HK2: variants seen among roughly 807,000 people sequenced by gnomAD.
HK2 encodes the protein hexokinase 2, also known as hexokinase-2.
In HK2, 42 loss-of-function variants were observed where a neutral mutation model predicts 92.9. The ratio of observed to expected loss-of-function variants is 0.45; its 90% CI spans 0.35 to 0.58. The LOEUF (loss-of-function observed/expected upper bound fraction) is 0.58. Among genes scored for constraint, HK2 ranks in the 20% least tolerant of loss-of-function variants. The pLI, the probability that HK2 is intolerant of heterozygous loss-of-function variation, is 0.00. For synonymous variants in HK2, 422 were observed against 468.0 expected, an observed-to-expected ratio of 0.90 and a Z score of 1.27; for missense variants, 978 against 1,245.1, an observed-to-expected ratio of 0.79 and a Z score of 3.23.
At chr2:74,851,530 G>T (rs183926381) in intron 1 of HK2, among the ~76,000 whole-genome samples, 48 of 152,348 alleles carry the variant, frequency 3.2e-4, no homozygotes, top group Middle Eastern at 3.4e-3. Flanking sequence ...GGCTGTCGTA[G>T]AATTTGCTTT....
intron 2 of HK2, among the ~76,000 whole-genome samples, chr2:74,856,051 C>T (rs905045333): frequency 1.3e-5 from 2 of 152,012 alleles, no homozygotes; most frequent in Non-Finnish European, 2.9e-5. Context: ...GCTGCCAGGG[C>T]AGAGGAAGAA....
intron 8 of HK2, among the ~76,000 whole-genome samples, 166 bp from the exon 9 acceptor site, chr2:74,878,519 TTCC>T (rs1174604161): frequency 6.6e-6 from 1 of 151,910 alleles, no homozygotes; most frequent in Admixed American, 6.5e-5. Context: ...TTGCACCCCC[TTCC>T]TCCTCCTCCT....
rs1293128060 is a variant in HK2 at position 74,886,606 on chromosome 2, C to T, written c.2152C>T (p.Leu718=). 1.2e-6 allele frequency: 2 copies of T among 1,613,986 alleles called. No individual in the cohort carries two copies. Among genetic ancestry groups the T allele is most frequent in the Non-Finnish European group, 1.7e-6 (2 of 1,180,002 alleles). ...GGGGGCCTTCGGGGACAATGGATGCCTAGATGACTTCCGCACAGAATTTGA... is the reference window on the plus strand; with the variant it reads ...GGGGGCCTTCGGGGACAATGGATGCTTAGATGACTTCCGCACAGAATTTGA... ...EWGAFGDNGC[L]DDFRTEFDVA... is the part of the protein sequence containing the mutation. Residue 718 remains leucine, a synonymous_variant, in exon 15 of 18, where the codon CTA becomes TTA. Coordinates refer to ENST00000290573, the MANE Select transcript of HK2 (RefSeq NM_000189.5).
At chr2:74,842,531 A>G (rs1435063627) in intron 1 of HK2, among the ~76,000 whole-genome samples, 1 of 152,288 alleles carries the variant, frequency 6.6e-6, no homozygotes, top group Non-Finnish European at 1.5e-5. Context: ...GACAGGAGCA[A>G]AAAGAGGCCC....
At position 74,878,784 on chromosome 2, in the gene HK2, G is replaced by C; in HGVS notation, c.1128G>C (p.Gln376His). ...GCGTGGCCACTCACCGGATCTGCCA[G>C]ATCGTGTCCACACGCTCCGCCAGCC... The part of the protein sequence containing the change: ...EDCVATHRIC[Q>H]IVSTRSASLC... Residue 376 changes from glutamine to histidine, a missense_variant, in exon 9 of 18, where the codon CAG becomes CAC. Transcript: ENST00000290573. 2 of 1,574,614 alleles carry C rather than the reference G, an allele frequency of 1.3e-6. No homozygotes were observed. The highest frequency in any genetic ancestry group is 1.2e-5 in the South Asian group (1 of 85,910).
intron 10 of HK2, among the ~76,000 whole-genome samples, chr2:74,881,432 G>GTC (rs1164593049): frequency 6.6e-6 from 1 of 152,214 alleles, no homozygotes; most frequent in African/African-American, 2.4e-5. Flanking sequence ...GGAATGCAGT[G>GTC]TCTCCCTCAC....
At chr2:74,864,225 CCTT>C (rs1386938432) in intron 2 of HK2, among the ~76,000 whole-genome samples, 2 of 152,228 alleles carry the variant, frequency 1.3e-5, no homozygotes, top group Non-Finnish European at 1.5e-5. Flanking sequence ...ACAGATCTGA[CCTT>C]CTTAAGAACG....
intron 2 of HK2, among the ~76,000 whole-genome samples, chr2:74,858,417 T>G (rs893257664): frequency 6.6e-6 from 1 of 152,220 alleles, no homozygotes; most frequent in Non-Finnish European, 1.5e-5. Context: ...GAATTCAAGC[T>G]GTGTGCTTCA....
intron 2 of HK2, among the ~76,000 whole-genome samples, chr2:74,855,478 G>T (rs564028570): frequency 6.6e-6 from 1 of 152,136 alleles, no homozygotes; most frequent in East Asian, 1.9e-4. Flanking sequence ...CCTCGTACCC[G>T]CCCACCTCGG....
At chr2:74,852,489 T>G (rs1047287938) in intron 1 of HK2, among the ~76,000 whole-genome samples, 1 of 152,130 alleles carries the variant, frequency 6.6e-6, no homozygotes, top group Non-Finnish European at 1.5e-5. Context: ...TCAAATGTCC[T>G]TGTTGGGGAG....
rs149352073 is a variant in HK2, at chr2:74,844,892, T to C, written c.64-9401T>C. Among the ~76,000 whole-genome samples, 21 of 152,332 alleles carry C rather than the reference T, an allele frequency of 1.4e-4. 2 individuals carry two copies. The highest frequency in any genetic ancestry group is 4.8e-4 in the African/African-American group (20 of 41,564). ...CAAGTTACTTGTCAACTTTTCTCTT[T>C]GGTGTTCCCATAGCCCCTTGTGTAT... On this transcript the variant is annotated intron_variant, in intron 1 of 17. Coordinates refer to ENST00000290573, the MANE Select transcript of HK2 (RefSeq NM_000189.5).
Position 74,873,260 on chromosome 2 carries a change from C to A in HK2, c.496-16C>A. 6.3e-7 allele frequency: 1 copy of A among 1,588,680 alleles called. No individual in the cohort carries two copies. Among genetic ancestry groups the A allele is most frequent in the Non-Finnish European group, 8.6e-7 (1 of 1,156,848 alleles). On this transcript the variant is annotated splice_polypyrimidine_tract_variant and intron_variant, in intron 4 of 17. Coordinates refer to ENST00000290573, the MANE Select transcript of HK2 (RefSeq NM_000189.5). ...TTTAGTGGGAAATCAATATTCACTTCTTGGTCCCTTTCCAGAGTTTCCTGG... is the reference window on the plus strand; with the variant it reads ...TTTAGTGGGAAATCAATATTCACTTATTGGTCCCTTTCCAGAGTTTCCTGG...
At chr2:74,848,076 C>T (rs1437952206) in intron 1 of HK2, among the ~76,000 whole-genome samples, 3 of 152,180 alleles carry the variant, frequency 2.0e-5, no homozygotes, top group Non-Finnish European at 4.4e-5. Flanking sequence ...CTTGCCCATG[C>T]CTCCTGAGCC....
chr2:74,875,396 T>A (rs1689204248), intron 7 of HK2, among the ~76,000 whole-genome samples: 1 of 144,650 alleles, frequency 6.9e-6, no homozygotes, highest in Non-Finnish European at 1.5e-5. Context: ...TGGCGCAATC[T>A]TGGCTCACCG....
chr2:74,892,798 C>G lies in HK2; in HGVS notation c.*1857C>G, dbSNP rs890080323. 1 of 152,132 alleles carries G rather than the reference C, an allele frequency of 6.6e-6. No homozygotes were observed. Among genetic ancestry groups the G allele is most frequent in the Non-Finnish European group, 1.5e-5 (1 of 68,020 alleles). The allele number at this position is 152,132 out of a possible 1,614,324, so 9.4% of individuals were successfully genotyped here. On this transcript the variant is annotated 3_prime_UTR_variant, in exon 18 of 18. Transcript: ENST00000290573. ...AACAGCCCAGGTCCTCCCGGGAGCA[C>G]AGAGGGGCTAGGGGCTGGTCCTTCT...
chr2:74,846,041 C>T (rs10183051), intron 1 of HK2, among the ~76,000 whole-genome samples: 2,836 of 152,318 alleles, frequency 0.019, 82 homozygotes, highest in African/African-American at 0.064. Context: ...TATGGGTCTT[C>T]AGGGACTAGG....
chr2:74,852,445 G>A (rs1688593880), intron 1 of HK2, among the ~76,000 whole-genome samples: 1 of 152,180 alleles, frequency 6.6e-6, no homozygotes, highest in Non-Finnish European at 1.5e-5. Context: ...CTAGTGTCAG[G>A]CTGAAGCTGC....
In HK2 at chr2:74,860,525, T is replaced by C. The variant is rs371886691; in HGVS notation, c.226+6070T>C. 3.3e-5 allele frequency among the ~76,000 whole-genome samples: 5 copies of C among 152,344 alleles called. 1 individual carries two copies. The highest frequency in any genetic ancestry group is 1.2e-4 in the African/African-American group (5 of 41,584). ...AATCGACTCACACAGTATTTGTTTT[T>C]TATGCAAGTCTTTTTTTATTTGTCA... is the stretch of plus-strand genomic sequence containing the variant. On this transcript the variant is annotated intron_variant, in intron 2 of 17. Coordinates refer to ENST00000290573, the MANE Select transcript of HK2 (RefSeq NM_000189.5).
At chr2:74,842,035 C>A (rs545366883) in intron 1 of HK2, among the ~76,000 whole-genome samples, 1 of 152,346 alleles carries the variant, frequency 6.6e-6, no homozygotes, top group African/African-American at 2.4e-5. Flanking sequence ...GCAGTGTGAG[C>A]TTGGGTCAGT....
Sources: gnomAD v4.1 joint callset for allele counts (sites outside exome capture counted in the v4.1 genomes callset) on GRCh38, gnomAD v4.1.1 for gene constraint, MANE v1.5 for transcripts, NCBI Gene and HGNC (gene_info 2026-07-23, HGNC 2026-07-21) for gene names.